The following TTC13 variants were observed in gnomAD, a reference collection of about 807,000 sequenced individuals.
The protein encoded by TTC13 is tetratricopeptide repeat domain 13, also known as tetratricopeptide repeat protein 13.
Under a neutral mutation model 120.0 loss-of-function variants are expected in TTC13, and 62 were observed. The observed-to-expected ratio is 0.52, with a 90% CI of 0.42 to 0.64. The LOEUF (loss-of-function observed/expected upper bound fraction) is 0.64, where lower values mean the gene tolerates loss of function less well. Among genes scored for constraint, TTC13 ranks in the 30% least tolerant of loss-of-function variants. The pLI is 0.00. For missense variants in TTC13, 824 were observed against 1,050.2 expected, an observed-to-expected ratio of 0.78 and a Z score of 2.98; for synonymous variants, 384 against 393.5, an observed-to-expected ratio of 0.98 and a Z score of 0.28.
intron 16 of TTC13, among the ~76,000 whole-genome samples, chr1:230,920,805 G>A (rs1286809591): frequency 6.6e-6 from 1 of 152,238 alleles, no homozygotes; most frequent in Non-Finnish European, 1.5e-5. Context: ...AACAGCAGCA[G>A]ATGAGAATTA....
chr1:230,973,331 T>G (rs766448726), intron 1 of TTC13, among the ~76,000 whole-genome samples: 1 of 152,238 alleles, frequency 6.6e-6, no homozygotes, highest in South Asian at 2.1e-4. Context: ...AGCTACCATA[T>G]ACATGGACAA....
chr1:230,930,080 C>T (rs1356207045), intron 11 of TTC13, among the ~76,000 whole-genome samples: 1 of 152,188 alleles, frequency 6.6e-6, no homozygotes, highest in Non-Finnish European at 1.5e-5. Flanking sequence ...ACAACTTACA[C>T]ATATGAACCT....
At chr1:230,976,707 G>A (rs183784201) in intron 1 of TTC13, among the ~76,000 whole-genome samples, 2 of 151,810 alleles carry the variant, frequency 1.3e-5, no homozygotes, top group Admixed American at 6.6e-5. Flanking sequence ...AAAGAAGGTA[G>A]AAACATCTAA....
intron 18 of TTC13, among the ~76,000 whole-genome samples, chr1:230,913,027 T>A (rs907138168): frequency 2.6e-5 from 4 of 152,170 alleles, no homozygotes; most frequent in African/African-American, 9.7e-5. Flanking sequence ...TTACACAAAC[T>A]TAAGCTAATA....
chr1:230,941,721 T>C (rs1451226682), intron 6 of TTC13, among the ~76,000 whole-genome samples: 1 of 152,136 alleles, frequency 6.6e-6, no homozygotes, highest in African/African-American at 2.4e-5. Context: ...GTAAGCATGA[T>C]AGCTCAGAAA....
At chr1:230,953,345 C>T (rs1440095446) in intron 4 of TTC13, among the ~76,000 whole-genome samples, 1 of 152,100 alleles carries the variant, frequency 6.6e-6, no homozygotes. Flanking sequence ...AGCTAAAATT[C>T]CAAAATGAAT....
chr1:230,935,582 G>T (rs1471579772), intron 8 of TTC13, among the ~76,000 whole-genome samples: 1 of 152,154 alleles, frequency 6.6e-6, no homozygotes, highest in Non-Finnish European at 1.5e-5. Flanking sequence ...GTGCATGGGT[G>T]GGTGCAGTGG....
Position 230,929,019 on chromosome 1 carries a change from T to C in TTC13, c.1375A>G (p.Ser459Gly). 1 of 1,614,178 alleles carries C rather than the reference T, an allele frequency of 6.2e-7. No individual in the cohort carries two copies. The highest frequency in any genetic ancestry group is 1.1e-5 in the South Asian group (1 of 91,088). ...EYNIDVDLPG[S>G]FKDHWAKNLP... ...TTTTTAGCCCAGTGGTCCTTAAAGC[T>C]TCCAGGCAGATCCACATCAATGTTA... The change falls in exon 12 of 23, where the codon AGC becomes GGC. Residue 459 changes from serine (S) to glycine (G), a missense_variant. By Grantham distance (56) the Ser-to-Gly change is moderately conservative (BLOSUM62 0). This residue lies in a region of TTC13 where 430 missense variants were observed against 626.8 expected (regional missense o/e 0.69). Coordinates refer to ENST00000366661, the MANE Select transcript of TTC13 (RefSeq NM_024525.5).
chr1:230,941,602 C>G (rs1394849184), intron 6 of TTC13, among the ~76,000 whole-genome samples: 3 of 152,202 alleles, frequency 2.0e-5, no homozygotes, highest in African/African-American at 7.2e-5. Flanking sequence ...CATGTCCAGC[C>G]TATTCCATCC....
At chr1:230,907,172 T>C (rs966469839) in intron 22 of TTC13, among the ~76,000 whole-genome samples, 153 bp from the exon 23 acceptor site, 1 of 152,238 alleles carries the variant, frequency 6.6e-6, no homozygotes, top group African/African-American at 2.4e-5. Context: ...GTGAACAGAA[T>C]GGCTCCTCTC....
intron 9 of TTC13, 51 bp from the exon 10 acceptor site, chr1:230,931,928 T>C (rs765048224): frequency 1.8e-5 from 28 of 1,565,242 alleles, no homozygotes; most frequent in Non-Finnish European, 2.5e-5. Flanking sequence ...ACGGGAAACA[T>C]ACAGAATAAG....
At chr1:230,957,691 T>C (rs555977592) in intron 3 of TTC13, among the ~76,000 whole-genome samples, 1 of 152,288 alleles carries the variant, frequency 6.6e-6, no homozygotes, top group South Asian at 2.1e-4. Context: ...AGTGCATATC[T>C]GACACTGACA....
intron 11 of TTC13, among the ~76,000 whole-genome samples, chr1:230,929,431 C>A (rs1240759261): frequency 6.6e-6 from 1 of 151,740 alleles, no homozygotes; most frequent in African/African-American, 2.4e-5. Flanking sequence ...TCTCCTGCCT[C>A]GGCCTCCCGA....
chr1:230,945,577 C>T (rs1029970015), intron 4 of TTC13, 123 bp from the exon 5 acceptor site: 5 of 848,980 alleles, frequency 5.9e-6, no homozygotes, highest in Admixed American at 1.7e-5. Context: ...TACGACCACT[C>T]GTAAGTCAAT....
At chr1:230,911,325 TTTTTTTGTGCAGA>T (rs1482658703) in intron 20 of TTC13, 132 bp downstream of exon 20, 4 of 542,436 alleles carry the variant, frequency 7.4e-6, no homozygotes, top group Non-Finnish European at 1.3e-5. Flanking sequence ...TAAGGAAATA[TTTTTTTGTGCAGA>T]TTTTGGAAAA....
intron 1 of TTC13, among the ~76,000 whole-genome samples, chr1:230,966,826 C>T (rs1223593662): frequency 2.0e-5 from 3 of 152,122 alleles, no homozygotes; most frequent in Non-Finnish European, 4.4e-5. Flanking sequence ...GAGGAACCTG[C>T]AGTAATCATC....
chr1:230,937,310 T>C (rs1674157086), intron 8 of TTC13, among the ~76,000 whole-genome samples: 1 of 152,182 alleles, frequency 6.6e-6, no homozygotes, highest in African/African-American at 2.4e-5. Flanking sequence ...TGCATTTGTT[T>C]ACTTTTAAAA....
chr1:230,956,256 G>C (rs1416783317), intron 3 of TTC13, among the ~76,000 whole-genome samples: 2 of 152,248 alleles, frequency 1.3e-5, no homozygotes, highest in African/African-American at 4.8e-5. Context: ...ATTCAAGTCA[G>C]TTCCCAAACC....
chr1:230,918,427 T>G (rs934264328), intron 17 of TTC13, among the ~76,000 whole-genome samples: 1 of 152,198 alleles, frequency 6.6e-6, no homozygotes, highest in South Asian at 2.1e-4. Flanking sequence ...AGAGAAGGCC[T>G]GCCCCAATTT....
Sources: allele counts gnomAD v4.1 joint callset (sites outside exome capture counted in the v4.1 genomes callset), GRCh38; gene constraint gnomAD v4.1.1; regional missense constraint gnomAD v4.1.1; transcripts MANE v1.5; gene names NCBI Gene and HGNC (gene_info 2026-07-23, HGNC 2026-07-21).